Variants in DDHD1 observed in about 807,000 individuals in gnomAD.
DDHD1 encodes phospholipase DDHD1.
A neutral mutation model predicts 96.4 loss-of-function variants in DDHD1; 49 were observed. That is an observed-to-expected ratio of 0.51 (90% CI 0.40 to 0.64). DDHD1 has a LOEUF of 0.64. Among genes scored for constraint, DDHD1 ranks in the 30% least tolerant of loss-of-function variants. The probability of loss-of-function intolerance (pLI) is 0.00; values close to 1 mark genes in which losing one functional copy is unlikely to be tolerated. For missense variants in DDHD1, 1,106 were observed against 1,161.2 expected (o/e 0.95, Z 0.69); for synonymous variants, 442 against 446.5 (o/e 0.99, Z 0.13).
intron 6 of DDHD1, among the ~76,000 whole-genome samples, chr14:53,067,220 G>A (rs1006186780): frequency 4.7e-5 from 7 of 150,432 alleles, no homozygotes; most frequent in African/African-American, 7.4e-5. Context: ...GTGCAATGGC[G>A]TGACCTCGAC....
At chr14:53,101,350 T>C (rs1346412768) in intron 2 of DDHD1, among the ~76,000 whole-genome samples, 2 of 152,098 alleles carry the variant, frequency 1.3e-5, no homozygotes, top group East Asian at 1.9e-4. Context: ...TATAAATATA[T>C]GTTTAATATT....
At chr14:53,149,750 G>A (rs1272475848) in intron 1 of DDHD1, 1 of 152,158 alleles carries the variant, frequency 6.6e-6, no homozygotes, top group Non-Finnish European at 1.5e-5. Context: ...ATTTGCTTTA[G>A]GAAAGAAGGT....
intron 4 of DDHD1, among the ~76,000 whole-genome samples, chr14:53,074,522 A>G (rs1296675773): frequency 6.6e-6 from 1 of 151,936 alleles, no homozygotes; most frequent in African/African-American, 2.4e-5. Context: ...TATCATGCCA[A>G]AGAAATTAAT....
At chr14:53,134,921 C>T (rs112339911) in intron 1 of DDHD1, among the ~76,000 whole-genome samples, 4,693 of 152,158 alleles carry the variant, frequency 0.031, 240 homozygotes, top group African/African-American at 0.1. Context: ...CTAATAACCC[C>T]ACAATATCAC....
rs556764763 is a variant in DDHD1, at chr14:53,136,496, T to C, written c.838+15765A>G. On this transcript the variant is annotated intron_variant, in intron 1 of 12. Coordinates refer to ENST00000673822, the MANE Select transcript of DDHD1 (RefSeq NM_001160148.2). ...GCATTTTGGCACTGTAGAAAGACAG[T>C]GCCAAAGATCTCTAGAAGAGTTCCC... 1.6e-4 allele frequency among the ~76,000 whole-genome samples: 25 copies of C among 152,282 alleles called. 1 individual carries two copies. The South Asian group carries it at 5.2e-3, about 32-fold the overall frequency.
At chr14:53,078,604 G>A (rs539006364) in intron 4 of DDHD1, among the ~76,000 whole-genome samples, 38 of 152,188 alleles carry the variant, frequency 2.5e-4, no homozygotes, top group Non-Finnish European at 4.7e-4. Context: ...ACTGTCCTTT[G>A]AAGAACAAAA....
chr14:53,093,557 T>C, intron 2 of DDHD1, 113 bp from the exon 3 acceptor site: 1 of 1,361,026 alleles, frequency 7.3e-7, no homozygotes, highest in Admixed American at 2.5e-5. Context: ...AACTCAGATA[T>C]GGAACTTAAT....
Position 53,089,183 on chromosome 14 carries a change from G to T in DDHD1, c.1289+2602C>A, listed in dbSNP as rs532264139. 8.5e-5 allele frequency among the ~76,000 whole-genome samples: 13 copies of T among 152,196 alleles called. No homozygotes were observed. The South Asian group carries it at 2.7e-3, about 32-fold the overall frequency. On this transcript the variant is annotated intron_variant, in intron 4 of 12. Coordinates refer to ENST00000673822, the MANE Select transcript of DDHD1 (RefSeq NM_001160148.2). The stretch of plus-strand genomic sequence containing the variant: ...TAAAAGAGGACACAAACAAATGGAA[G>T]AACATTCCATGCTCATGAATAGGAA...
At position 53,153,170 on chromosome 14, in the gene DDHD1, ACGC is replaced by A; in HGVS notation, c.-75_-73del. 3 of 1,128,164 alleles carry A rather than the reference ACGC, an allele frequency of 2.7e-6. No homozygotes were observed. Among genetic ancestry groups the A allele is most frequent in the Non-Finnish European group, 3.5e-6 (3 of 867,254 alleles). The allele number at this position is 1,128,164 out of a possible 1,614,324, so 69.9% of individuals were successfully genotyped here. ...CCCCAGCGCTTCCGCCACACATTCA[ACGC>A]CGCCGCCCTCTCCACCCGAAGTTTC... On this transcript the variant is annotated 5_prime_UTR_variant, in exon 1 of 13. Coordinates refer to ENST00000673822, the MANE Select transcript of DDHD1 (RefSeq NM_001160148.2).
chr14:53,118,321 G>A (rs1011111763), intron 1 of DDHD1, among the ~76,000 whole-genome samples: 3 of 152,210 alleles, frequency 2.0e-5, no homozygotes, highest in Non-Finnish European at 4.4e-5. Flanking sequence ...AGTTTGATGA[G>A]TTGACAGAAG....
intron 1 of DDHD1, among the ~76,000 whole-genome samples, chr14:53,143,470 G>A (rs10133528): frequency 0.026 from 4,016 of 152,296 alleles, 165 homozygotes; most frequent in African/African-American, 0.09. Context: ...TGCCATGAGA[G>A]TGCACCAAAC....
intron 4 of DDHD1, among the ~76,000 whole-genome samples, chr14:53,079,485 A>T (rs1386070539): frequency 1.3e-5 from 2 of 152,084 alleles, no homozygotes; most frequent in Non-Finnish European, 2.9e-5. Context: ...GATTACTAAA[A>T]CAGTTTTGGT....
At chr14:53,060,905 T>A (rs975176985) in intron 8 of DDHD1, among the ~76,000 whole-genome samples, 1 of 152,234 alleles carries the variant, frequency 6.6e-6, no homozygotes, top group Non-Finnish European at 1.5e-5. Context: ...GATAATAGCA[T>A]CAATAATACT....
chr14:53,054,372 C>T, intron 11 of DDHD1, 66 bp downstream of exon 11: 4 of 1,446,918 alleles, frequency 2.8e-6, no homozygotes, highest in Non-Finnish European at 2.8e-6. Flanking sequence ...TATTTTATAC[C>T]TCCCTGCCCT....
chr14:53,081,572 TGAG>T (rs1443343420), intron 4 of DDHD1, among the ~76,000 whole-genome samples: 2 of 152,158 alleles, frequency 1.3e-5, no homozygotes, highest in East Asian at 3.9e-4. Context: ...TTTGCATCAG[TGAG>T]GAGAGGCAAG....
chr14:53,130,063 T>C (rs1889751506), intron 1 of DDHD1, among the ~76,000 whole-genome samples: 1 of 152,144 alleles, frequency 6.6e-6, no homozygotes, highest in South Asian at 2.1e-4. Context: ...ATCCTCCTCT[T>C]CTACGGACCC....
rs118191380 is a variant in DDHD1, at chr14:53,068,191, T to G, written c.1503+4406A>C. On this transcript the variant is annotated intron_variant, in intron 6 of 12. Coordinates refer to ENST00000673822, the MANE Select transcript of DDHD1 (RefSeq NM_001160148.2). ...ATACGGTATTTAGCTACATGTCTCT[T>G]TAGCATCCTTTGATCAGGAACATTT... Among the ~76,000 whole-genome samples, 870 of 151,832 alleles carry G rather than the reference T, an allele frequency of 5.7e-3. 5 individuals carry two copies. Among genetic ancestry groups the G allele is most frequent in the Middle Eastern group, 0.01 (3 of 292 alleles).
Position 53,054,552 on chromosome 14 carries a change from CAGATGACTGTGTTGT to C in DDHD1, c.2308_2322del (p.Thr770_Ser774del). On this transcript the variant is annotated inframe_deletion, in exon 11 of 13. Coordinates refer to ENST00000673822, the MANE Select transcript of DDHD1 (RefSeq NM_001160148.2). The stretch of plus-strand genomic sequence containing the variant: ...TCTTCCATTGAGTCTTTTGATGTTT[CAGATGACTGTGTTGT>C]AGATGAACGTCCAAATCTTGAGAAC... 2.5e-6 allele frequency: 4 copies of C among 1,614,118 alleles called. No individual in the cohort carries two copies. Among genetic ancestry groups the C allele is most frequent in the Non-Finnish European group, 3.4e-6 (4 of 1,179,992 alleles).
intron 1 of DDHD1, among the ~76,000 whole-genome samples, chr14:53,141,832 G>T (rs1276117922): frequency 6.6e-6 from 1 of 152,164 alleles, no homozygotes; most frequent in African/African-American, 2.4e-5. Context: ...GTATGTACGT[G>T]TATATATGGT....
Sources: gnomAD v4.1 joint callset for allele counts (sites outside exome capture counted in the v4.1 genomes callset) on GRCh38, gnomAD v4.1.1 for gene constraint, MANE v1.5 for transcripts, NCBI Gene and HGNC (gene_info 2026-07-23, HGNC 2026-07-21) for gene names.